Variants in AGBL4 observed in about 807,000 individuals in gnomAD.
The protein encoded by AGBL4 is cytosolic carboxypeptidase 6.
AGBL4 carries 58 observed loss-of-function variants against 66.4 expected under a neutral mutation model. That is an observed-to-expected ratio of 0.87 (90% CI 0.71 to 1.09). The LOEUF (loss-of-function observed/expected upper bound fraction) is 1.09. Among genes scored for constraint, AGBL4 ranks in the 50% least tolerant of loss-of-function variants. The pLI is 0.00. For synonymous variants in AGBL4, 234 were observed against 222.9 expected (o/e 1.05, Z -0.44); for missense variants, 579 against 631.0 (o/e 0.92, Z 0.88).
At chr1:49,163,238 A>G (rs1248128518) in intron 4 of AGBL4, among the ~76,000 whole-genome samples, 3 of 152,206 alleles carry the variant, frequency 2.0e-5, no homozygotes, top group Non-Finnish European at 4.4e-5. Flanking sequence ...AACTATGTGC[A>G]GGGCAGAGTG....
At chr1:49,620,863 CT>C (rs34261884) in intron 3 of AGBL4, among the ~76,000 whole-genome samples, 23 of 147,862 alleles carry the variant, frequency 1.6e-4, no homozygotes, top group Admixed American at 2.0e-4. Context: ...CCAAATCAAC[CT>C]TTTTTTTTTC....
At chr1:49,273,445 T>A (rs1644103308) in intron 3 of AGBL4, among the ~76,000 whole-genome samples, 2 of 150,786 alleles carry the variant, frequency 1.3e-5, no homozygotes, top group Admixed American at 6.6e-5. Flanking sequence ...TATGTTACTT[T>A]CAATAAAAAA....
chr1:49,374,989 A>G (rs1321638349), intron 3 of AGBL4, among the ~76,000 whole-genome samples: 7 of 152,096 alleles, frequency 4.6e-5, no homozygotes, highest in African/African-American at 1.7e-4. Flanking sequence ...TTTACCTTTG[A>G]CCAACCTCTC....
At chr1:49,723,795 C>G (rs1648793505) in intron 2 of AGBL4, among the ~76,000 whole-genome samples, 1 of 152,146 alleles carries the variant, frequency 6.6e-6, no homozygotes, top group East Asian at 1.9e-4. Flanking sequence ...TGCTCTAACA[C>G]TCACCAACCC....
intron 2 of AGBL4, among the ~76,000 whole-genome samples, chr1:49,813,361 G>A (rs1645150996): frequency 6.6e-6 from 1 of 152,064 alleles, no homozygotes; most frequent in African/African-American, 2.4e-5. Flanking sequence ...ACACTCTCCT[G>A]CTATAAACTC....
chr1:49,732,168 G>C (rs1465815455), intron 2 of AGBL4, among the ~76,000 whole-genome samples: 1 of 152,186 alleles, frequency 6.6e-6, no homozygotes, highest in Non-Finnish European at 1.5e-5. Flanking sequence ...CTACCAGCTT[G>C]AAGTACAGCC....
chr1:48,769,564 C>T (rs1289575102), intron 6 of AGBL4, among the ~76,000 whole-genome samples: 2 of 145,962 alleles, frequency 1.4e-5, no homozygotes, highest in African/African-American at 2.6e-5. Flanking sequence ...CACACACACA[C>T]ACACACAAGT....
chr1:48,605,377 A>G (rs570301691), intron 9 of AGBL4, among the ~76,000 whole-genome samples: 1 of 152,218 alleles, frequency 6.6e-6, no homozygotes, highest in East Asian at 1.9e-4. Context: ...GAGCTTCCAG[A>G]CTGTGTGATG....
rs193160561 is a variant in AGBL4 at position 49,725,854 on chromosome 1, C to A, written c.158-28417G>T. On this transcript the variant is annotated intron_variant, in intron 2 of 13. Transcript: ENST00000371839. ...AAATCAAAGGAGTAAGAATATATATCCTTACTACAGTGAGAAACTGAAAAG... is the reference window on the plus strand; with the variant it reads ...AAATCAAAGGAGTAAGAATATATATACTTACTACAGTGAGAAACTGAAAAG... 1.2e-3 allele frequency among the ~76,000 whole-genome samples: 182 copies of A among 151,830 alleles called. 2 individuals are homozygous for A. Among genetic ancestry groups the A allele is most frequent in the Non-Finnish European group, 1.9e-3 (132 of 67,954 alleles).
intron 1 of AGBL4, among the ~76,000 whole-genome samples, chr1:50,005,629 G>T (rs1661068635): frequency 6.6e-6 from 1 of 152,124 alleles, no homozygotes; most frequent in Admixed American, 6.6e-5. Context: ...AGACAATTCA[G>T]GAAGACATGA....
At chr1:48,885,774 T>C (rs189479172) in intron 5 of AGBL4, among the ~76,000 whole-genome samples, 1 of 152,198 alleles carries the variant, frequency 6.6e-6, no homozygotes, top group East Asian at 1.9e-4. Context: ...GATGCATAAG[T>C]GCACAGGGCC....
At chr1:49,915,297 C>T (rs1333448771) in intron 1 of AGBL4, among the ~76,000 whole-genome samples, 1 of 151,974 alleles carries the variant, frequency 6.6e-6, no homozygotes, top group Non-Finnish European at 1.5e-5. Context: ...ATTGCCTCAC[C>T]CAGGAAGTGC....
intron 3 of AGBL4, among the ~76,000 whole-genome samples, chr1:49,352,791 T>TA (rs921362277): frequency 6.6e-6 from 1 of 152,220 alleles, no homozygotes; most frequent in African/African-American, 2.4e-5. Flanking sequence ...CTAATCCTCA[T>TA]AACTTATCAA....
At chr1:49,816,585 A>G (rs1347118248) in intron 2 of AGBL4, among the ~76,000 whole-genome samples, 2 of 152,186 alleles carry the variant, frequency 1.3e-5, no homozygotes, top group African/African-American at 4.8e-5. Context: ...GCAATAACCT[A>G]CGCTTGAAGA....
At chr1:48,706,780 T>C (rs942158391) in intron 6 of AGBL4, among the ~76,000 whole-genome samples, 6 of 152,236 alleles carry the variant, frequency 3.9e-5, no homozygotes, top group African/African-American at 1.2e-4. Flanking sequence ...ATAAATGAAG[T>C]GACTATCTGG....
At chr1:48,954,608 A>G (rs915281267) in intron 5 of AGBL4, among the ~76,000 whole-genome samples, 1 of 152,242 alleles carries the variant, frequency 6.6e-6, no homozygotes, top group African/African-American at 2.4e-5. Flanking sequence ...TGTGGTTATA[A>G]CATATGGATT....
intron 3 of AGBL4, among the ~76,000 whole-genome samples, chr1:49,480,904 C>CT (rs1206239381): frequency 1.3e-5 from 2 of 152,140 alleles, no homozygotes; most frequent in East Asian, 3.9e-4. Context: ...TCCTTTCCCC[C>CT]ATTGCTTGTT....
In AGBL4 at chr1:49,766,393, G is replaced by A. The variant is rs181750656; in HGVS notation, c.158-68956C>T. Among the ~76,000 whole-genome samples the A allele has an allele frequency of 5.1e-3, 776 of 152,138 alleles. 3 individuals are homozygous for A. The highest frequency in any genetic ancestry group is 7.2e-3 in the Non-Finnish European group (492 of 67,986). ...TTTTATAGATGAGAAATCACTAAGG[G>A]AATTCATTACCACTAGACAAGCCTT... On this transcript the variant is annotated intron_variant, in intron 2 of 13. Transcript: ENST00000371839.
chr1:48,776,874 C>T, intron 6 of AGBL4: 11 of 1,063,806 alleles, frequency 1.0e-5, no homozygotes, highest in Non-Finnish European at 1.3e-5. Flanking sequence ...GCTCAGCCCG[C>T]GGGGCGGGCG....
Sources: gnomAD v4.1 joint callset for allele counts (sites outside exome capture counted in the v4.1 genomes callset) on GRCh38, gnomAD v4.1.1 for gene constraint, MANE v1.5 for transcripts, NCBI Gene and HGNC (gene_info 2026-07-23, HGNC 2026-07-21) for gene names.